Variants in RSPO2 observed in about 807,000 individuals in gnomAD.
The protein encoded by RSPO2 is R-spondin-2.
A neutral mutation model predicts 30.9 loss-of-function variants in RSPO2; 14 were observed. That is an observed-to-expected ratio of 0.45 (90% CI 0.30 to 0.71). The LOEUF is 0.71. Ranked by LOEUF, RSPO2 falls within the 30% of genes least tolerant of loss-of-function variation. RSPO2 has a pLI of 0.08. For synonymous variants in RSPO2, 107 were observed against 96.4 expected (o/e 1.11, Z -0.64); for missense variants, 264 against 301.9 (o/e 0.87, Z 0.93).
At chr8:107,946,219 C>T (rs987849028) in intron 5 of RSPO2, among the ~76,000 whole-genome samples, 4 of 152,164 alleles carry the variant, frequency 2.6e-5, no homozygotes, top group South Asian at 2.1e-4. Context: ...CTGTTATCCC[C>T]GTAACATAGA....
chr8:108,032,788 G>A (rs766774411), intron 2 of RSPO2, among the ~76,000 whole-genome samples: 23 of 152,010 alleles, frequency 1.5e-4, no homozygotes, highest in Non-Finnish European at 3.1e-4. Context: ...ATACCACTAT[G>A]TCTAGCTAAT....
intron 3 of RSPO2, among the ~76,000 whole-genome samples, chr8:107,961,759 T>C (rs1586581394): frequency 6.6e-6 from 1 of 152,306 alleles, no homozygotes; most frequent in Non-Finnish European, 1.5e-5. Context: ...TGTAAATTGA[T>C]AGGCTCATAA....
At chr8:108,066,387 T>C (rs1019083489) in intron 2 of RSPO2, among the ~76,000 whole-genome samples, 2 of 152,192 alleles carry the variant, frequency 1.3e-5, no homozygotes, top group South Asian at 2.1e-4. Flanking sequence ...TCAGAAGATG[T>C]CTAATTGAAT....
chr8:108,009,168 T>C (rs1810610620), intron 2 of RSPO2, among the ~76,000 whole-genome samples: 1 of 152,194 alleles, frequency 6.6e-6, no homozygotes, highest in African/African-American at 2.4e-5. Context: ...TAAATTGGTA[T>C]AAATCTCCTA....
chr8:107,969,171 T>A (rs187344517), intron 3 of RSPO2, among the ~76,000 whole-genome samples: 1 of 152,290 alleles, frequency 6.6e-6, no homozygotes, highest in Admixed American at 6.5e-5. Context: ...GACTTACCTA[T>A]ATCATACAAT....
At chr8:108,079,015 T>C in intron 2 of RSPO2, among the ~76,000 whole-genome samples, 1 of 152,202 alleles carries the variant, frequency 6.6e-6, no homozygotes, top group Non-Finnish European at 1.5e-5. Flanking sequence ...CAGTCTGAAA[T>C]GTGGCTTACA....
intron 2 of RSPO2, among the ~76,000 whole-genome samples, chr8:108,060,808 G>A (rs990366456): frequency 1.1e-4 from 16 of 151,914 alleles, no homozygotes; most frequent in Non-Finnish European, 1.9e-4. Flanking sequence ...CCCTCAAAGG[G>A]AAGCCCATCA....
chr8:107,948,343 T>A (rs949296016), intron 5 of RSPO2, among the ~76,000 whole-genome samples: 2 of 152,220 alleles, frequency 1.3e-5, no homozygotes, highest in South Asian at 2.1e-4. Flanking sequence ...CACTGGATTA[T>A]CTTGGGGAAG....
intron 2 of RSPO2, among the ~76,000 whole-genome samples, chr8:108,049,308 A>G (rs1812005975): frequency 6.6e-6 from 1 of 152,050 alleles, no homozygotes; most frequent in African/African-American, 2.4e-5. Context: ...ATTTTCATCT[A>G]CCTGGAATCT....
At chr8:108,064,993 G>A (rs1356952990) in intron 2 of RSPO2, among the ~76,000 whole-genome samples, 2 of 152,062 alleles carry the variant, frequency 1.3e-5, no homozygotes, top group Admixed American at 1.3e-4. Flanking sequence ...GACACAGGAT[G>A]GGGAACATCA....
chr8:108,022,654 G>A (rs761722251), intron 2 of RSPO2, among the ~76,000 whole-genome samples: 16 of 152,212 alleles, frequency 1.1e-4, no homozygotes, highest in South Asian at 2.1e-4. Flanking sequence ...TGCTGGGCAT[G>A]GTGGCTCATG....
At chr8:107,987,783 A>G (rs1422768954) in intron 3 of RSPO2, among the ~76,000 whole-genome samples, 1 of 152,152 alleles carries the variant, frequency 6.6e-6, no homozygotes, top group Non-Finnish European at 1.5e-5. Flanking sequence ...TTCCAAAATA[A>G]TATTGTCCTT....
intron 2 of RSPO2, among the ~76,000 whole-genome samples, chr8:108,068,272 A>G (rs1812733212): frequency 1.3e-5 from 2 of 152,144 alleles, no homozygotes; most frequent in South Asian, 2.1e-4. Flanking sequence ...TACTCCAAAC[A>G]CCGTACACTT....
At chr8:108,011,235 AAAAGG>A (rs10608726) in intron 2 of RSPO2, among the ~76,000 whole-genome samples, 10,704 of 151,692 alleles carry the variant, frequency 0.071, 576 homozygotes, top group South Asian at 0.14. Flanking sequence ...AAGGGAAAGG[AAAAGG>A]AAAGGAAAGG....
At chr8:107,967,936 T>C (rs1303830336) in intron 3 of RSPO2, among the ~76,000 whole-genome samples, 1 of 152,134 alleles carries the variant, frequency 6.6e-6, no homozygotes, top group Non-Finnish European at 1.5e-5. Flanking sequence ...TTAAAGGTAT[T>C]ATCAGTCTCT....
intron 2 of RSPO2, among the ~76,000 whole-genome samples, chr8:108,077,940 C>T (rs16877146): frequency 0.32 from 48,138 of 151,942 alleles, 8,770 homozygotes; most frequent in African/African-American, 0.51. Context: ...CTGTCCCCTA[C>T]TTCCTGGACT....
intron 5 of RSPO2, among the ~76,000 whole-genome samples, chr8:107,949,757 A>G (rs1813182043): frequency 1.3e-5 from 2 of 152,220 alleles, no homozygotes; most frequent in Admixed American, 1.3e-4. Flanking sequence ...ATAGGAAATT[A>G]CTTAATGAAT....
At chr8:108,017,924 T>A in intron 2 of RSPO2, among the ~76,000 whole-genome samples, 1 of 152,224 alleles carries the variant, frequency 6.6e-6, no homozygotes, top group East Asian at 1.9e-4. Context: ...TTACAATCTT[T>A]AAGTTCCTAG....
At chr8:108,043,819 GC>G (rs1313863560) in intron 2 of RSPO2, among the ~76,000 whole-genome samples, 1 of 152,006 alleles carries the variant, frequency 6.6e-6, no homozygotes, top group Non-Finnish European at 1.5e-5. Flanking sequence ...TCTCTGGGAG[GC>G]AAGAACAGTG....
Sources: gnomAD v4.1 joint callset for allele counts (sites outside exome capture counted in the v4.1 genomes callset) on GRCh38, gnomAD v4.1.1 for gene constraint, MANE v1.5 for transcripts, NCBI Gene and HGNC (gene_info 2026-07-23, HGNC 2026-07-21) for gene names.